Variants in TBCK observed in about 807,000 individuals in gnomAD.
TBCK encodes the protein TBC domain-containing protein kinase-like protein.
A neutral mutation model predicts 113.4 loss-of-function variants in TBCK; 99 were observed. The ratio of observed to expected loss-of-function variants is 0.87; its 90% CI spans 0.74 to 1.03. The LOEUF (loss-of-function observed/expected upper bound fraction) is 1.03, where lower values mean the gene tolerates loss of function less well. Ranked by LOEUF, TBCK falls within the 50% of genes least tolerant of loss-of-function variation. The pLI is 0.00. For missense variants in TBCK, 1,045 were observed against 1,061.3 expected, an observed-to-expected ratio of 0.98 and a Z score of 0.21; for synonymous variants, 369 against 370.8, an observed-to-expected ratio of 1.00 and a Z score of 0.05.
chr4:106,231,765 AAAGT>A lies in TBCK; in HGVS notation c.1650_1653del (p.Leu551ValfsTer7). 1 of 1,610,110 alleles carries A rather than the reference AAAGT, an allele frequency of 6.2e-7. No individual in the cohort carries two copies. Among genetic ancestry groups the A allele is most frequent in the Non-Finnish European group, 8.5e-7 (1 of 1,177,974 alleles). ...AAGTTTAGATATAGGAATGGAGCAC[AAAGT>A]GAGTCAAGACCTAACACAGAGGGGT... is the stretch of plus-strand genomic sequence containing the variant. On this transcript the variant is annotated frameshift_variant, in exon 18 of 26. Coordinates refer to ENST00000394708, the MANE Select transcript of TBCK (RefSeq NM_001163435.3). LOFTEE classifies it high-confidence loss of function.
chr4:106,046,772 T>C (rs1734262046), intron 25 of TBCK, 92 bp from the exon 26 acceptor site: 1 of 622,126 alleles, frequency 1.6e-6, no homozygotes, highest in Non-Finnish European at 2.8e-6. Context: ...ACAAAATTAA[T>C]TTAATGTTAT....
At chr4:106,242,869 C>G (rs1760326613) in intron 11 of TBCK, among the ~76,000 whole-genome samples, 1 of 121,758 alleles carries the variant, frequency 8.2e-6, no homozygotes, top group South Asian at 3.4e-4. Flanking sequence ...CCCCTCCCCC[C>G]ACCCCACAAC....
Position 106,236,752 on chromosome 4 carries a change from TACTC to T in TBCK, c.1220+3_1220+6del. On this transcript the variant is annotated splice_donor_5th_base_variant and intron_variant, in intron 13 of 25. Transcript: ENST00000394708. ...AATAAATCTAAAATGAGACTACATA[TACTC>T]ACTCATCTTCAAGTAATGGGTAAAA... 1 of 1,467,158 alleles carries T rather than the reference TACTC, an allele frequency of 6.8e-7. No homozygotes were observed. Among genetic ancestry groups the T allele is most frequent in the Non-Finnish European group, 9.1e-7 (1 of 1,093,198 alleles). 90.9% of individuals were successfully genotyped at this position (1,467,158 alleles called of 1,614,324 possible).
chr4:106,199,517 C>T (rs147345776), intron 20 of TBCK, among the ~76,000 whole-genome samples: 1 of 152,200 alleles, frequency 6.6e-6, no homozygotes, highest in African/African-American at 2.4e-5. Flanking sequence ...ATCCCTAAAC[C>T]TCTCCTACAA....
chr4:106,103,685 T>C (rs1353777586), intron 24 of TBCK, among the ~76,000 whole-genome samples: 1 of 152,166 alleles, frequency 6.6e-6, no homozygotes, highest in Non-Finnish European at 1.5e-5. Flanking sequence ...AGAAGTCAAT[T>C]TACTTCAATC....
intron 19 of TBCK, among the ~76,000 whole-genome samples, chr4:106,228,879 T>G (rs531388970): frequency 6.6e-6 from 1 of 152,158 alleles, no homozygotes; most frequent in Admixed American, 6.5e-5. Flanking sequence ...TGAGGGTTCC[T>G]TTTTCTCTAC....
Position 106,139,954 on chromosome 4 carries a change from A to G in TBCK, c.2236-23576T>C, listed in dbSNP as rs145605675. Among the ~76,000 whole-genome samples, 132 of 141,310 alleles carry G rather than the reference A, an allele frequency of 9.3e-4. 12 individuals are homozygous for G. The highest frequency in any genetic ancestry group is 3.0e-3 in the African/African-American group (122 of 40,130). 92.7% of individuals were successfully genotyped at this position (141,310 alleles called of 152,430 possible). ...ATAACAAATTATTTTATGTACAAAA[A>G]GCCTGTTAAATATAATAGCAGTTAT... On this transcript the variant is annotated intron_variant, in intron 23 of 25. Coordinates refer to ENST00000394708, the MANE Select transcript of TBCK (RefSeq NM_001163435.3).
At chr4:106,247,061 T>G in intron 10 of TBCK, 78 bp downstream of exon 10, 1 of 1,419,986 alleles carries the variant, frequency 7.0e-7, no homozygotes, top group Non-Finnish European at 9.6e-7. Context: ...GTTGATAAGT[T>G]CAAAACTGAA....
At chr4:106,201,817 T>C (rs980946835) in intron 20 of TBCK, among the ~76,000 whole-genome samples, 9 of 152,060 alleles carry the variant, frequency 5.9e-5, no homozygotes, top group Admixed American at 1.3e-4. Context: ...AAGCATACTA[T>C]ATTGTCTATC....
At chr4:106,143,810 A>G (rs1747431346) in intron 23 of TBCK, among the ~76,000 whole-genome samples, 1 of 151,366 alleles carries the variant, frequency 6.6e-6, no homozygotes, top group African/African-American at 2.4e-5. Flanking sequence ...GCTATTCGGG[A>G]GGCTGAGGCA....
rs1304551558 is a variant in TBCK at position 106,233,644 on chromosome 4, T to C, written c.1456A>G (p.Ile486Val). ...WAALLGVEGA[I>V]HAKYDAIDKD... ...TCAATTGCATCGTACTTGGCATGAATAGCTCCCTGCAAAAAATAAAAGAAG... is the reference window on the plus strand; with the variant it reads ...TCAATTGCATCGTACTTGGCATGAACAGCTCCCTGCAAAAAATAAAAGAAG... The change falls in exon 16 of 26, where the codon ATT becomes GTT. Residue 486 changes from isoleucine to valine, a missense_variant. Ile to Val is a conservative substitution (Grantham distance 29). Transcript: ENST00000394708. The C allele has an allele frequency of 1.9e-6, 3 of 1,606,982 alleles. No homozygotes were observed. Among genetic ancestry groups the C allele is most frequent in the East Asian group, 4.5e-5 (2 of 44,682 alleles).
chr4:106,239,581 G>A (rs528717901), intron 12 of TBCK, among the ~76,000 whole-genome samples: 1 of 152,124 alleles, frequency 6.6e-6, no homozygotes, highest in Admixed American at 6.6e-5. Flanking sequence ...TTTTAGCAGA[G>A]AATGTAAAGA....
At chr4:106,195,885 C>T (rs1754175769) in intron 20 of TBCK, among the ~76,000 whole-genome samples, 1 of 151,988 alleles carries the variant, frequency 6.6e-6, no homozygotes, top group Admixed American at 6.6e-5. Context: ...AATAAATCTC[C>T]TCTATCTATG....
intron 2 of TBCK, 98 bp from the exon 3 acceptor site, chr4:106,295,264 A>G (rs1252610202): frequency 2.1e-6 from 2 of 934,626 alleles, no homozygotes; most frequent in Middle Eastern, 2.3e-4. Flanking sequence ...TATAACACCC[A>G]TAACAATATT....
chr4:106,251,959 T>C lies in TBCK; in HGVS notation c.504A>G (p.Lys168=), dbSNP rs767535957. Residue 168 remains lysine, a synonymous_variant, in exon 6 of 26, where the codon AAA becomes AAG. Transcript: ENST00000394708. ...APEVIAQGIF[K]TTDHMPSKKP... is the part of the protein sequence containing the mutation. ...TTTTACTTGGCATGTGATCAGTGGT[T>C]TTGAAAATTCCCTGTGCAATTACCT... 4.3e-6 allele frequency: 7 copies of C among 1,611,892 alleles called. No individual in the cohort carries two copies. The highest frequency in any genetic ancestry group is 2.5e-6 in the Non-Finnish European group (3 of 1,178,560).
At chr4:106,203,350 G>A (rs1255157781) in intron 20 of TBCK, among the ~76,000 whole-genome samples, 1 of 150,902 alleles carries the variant, frequency 6.6e-6, no homozygotes, top group African/African-American at 2.4e-5. Context: ...GGTTTGTTGT[G>A]TTTAAATTCT....
chr4:106,232,842 A>G (rs1168944536), intron 17 of TBCK, 96 bp downstream of exon 17: 2 of 1,235,384 alleles, frequency 1.6e-6, no homozygotes, highest in African/African-American at 1.5e-5. Context: ...ACTTTCCCCA[A>G]AGACAAGGAT....
chr4:106,081,659 C>T (rs1196949387), intron 25 of TBCK, among the ~76,000 whole-genome samples: 1 of 150,602 alleles, frequency 6.6e-6, no homozygotes, highest in African/African-American at 2.5e-5. Context: ...CTGTATGTAA[C>T]CTGGAACTTA....
At chr4:106,105,338 CA>C (rs574533743) in intron 24 of TBCK, among the ~76,000 whole-genome samples, 57 of 150,756 alleles carry the variant, frequency 3.8e-4, no homozygotes, top group Non-Finnish European at 6.5e-4. Flanking sequence ...CCCCAGGAGT[CA>C]AAAAAAAATG....
Sources: allele counts gnomAD v4.1 joint callset (sites outside exome capture counted in the v4.1 genomes callset), GRCh38; gene constraint gnomAD v4.1.1; transcripts MANE v1.5; gene names NCBI Gene and HGNC (gene_info 2026-07-23, HGNC 2026-07-21).